Variants in CSMD1 observed in about 807,000 individuals in gnomAD.
CSMD1 encodes the protein CUB and Sushi multiple domains 1.
A neutral mutation model predicts 417.5 loss-of-function variants in CSMD1; 213 were observed. The observed-to-expected ratio is 0.51, with a 90% CI of 0.46 to 0.57. The LOEUF (loss-of-function observed/expected upper bound fraction) is 0.57, where lower values mean the gene tolerates loss of function less well. Among genes scored for constraint, CSMD1 ranks in the 20% least tolerant of loss-of-function variants. The pLI is 0.00. For synonymous variants in CSMD1, 2,862 were observed against 1,736.8 expected (o/e 1.65, Z -16.11); for missense variants, 6,923 against 4,529.7 (o/e 1.53, Z -15.17).
At chr8:4,051,506 A>C (rs1798422602) in intron 3 of CSMD1, among the ~76,000 whole-genome samples, 1 of 152,144 alleles carries the variant, frequency 6.6e-6, no homozygotes, top group South Asian at 2.1e-4. Context: ...CTGTATTTCC[A>C]TGACCTAGCA....
At chr8:4,192,865 G>A (rs1799111468) in intron 3 of CSMD1, among the ~76,000 whole-genome samples, 2 of 152,082 alleles carry the variant, frequency 1.3e-5, no homozygotes, top group Admixed American at 1.3e-4. Context: ...CCTGTATTCT[G>A]TCCTTCTAGG....
At chr8:4,925,138 C>A (rs1256146131) in intron 1 of CSMD1, among the ~76,000 whole-genome samples, 2 of 151,010 alleles carry the variant, frequency 1.3e-5, no homozygotes, top group Non-Finnish European at 2.9e-5. Context: ...TGTTTAGTCC[C>A]TGAGCAGCAG....
chr8:4,138,132 G>A (rs369582662), intron 3 of CSMD1, among the ~76,000 whole-genome samples: 1 of 127,422 alleles, frequency 7.8e-6, no homozygotes, highest in African/African-American at 3.0e-5. Flanking sequence ...ACCCAGGATG[G>A]TCTCAATCTC....
At chr8:3,634,310 C>T (rs1245913163) in intron 7 of CSMD1, among the ~76,000 whole-genome samples, 2 of 152,170 alleles carry the variant, frequency 1.3e-5, no homozygotes, top group South Asian at 2.1e-4. Flanking sequence ...AGACTAAGGT[C>T]AGCAATGTGG....
At chr8:4,457,653 G>A (rs565709102) in intron 2 of CSMD1, among the ~76,000 whole-genome samples, 1 of 152,246 alleles carries the variant, frequency 6.6e-6, no homozygotes, top group East Asian at 1.9e-4. Context: ...CAAATAGCAT[G>A]ATGTTAAGCT....
At chr8:4,173,112 G>C (rs576269678) in intron 3 of CSMD1, among the ~76,000 whole-genome samples, 1 of 152,104 alleles carries the variant, frequency 6.6e-6, no homozygotes, top group Non-Finnish European at 1.5e-5. Context: ...ACCACACGGA[G>C]GAAGTAACTA....
At chr8:4,547,133 A>C (rs1797673804) in intron 2 of CSMD1, among the ~76,000 whole-genome samples, 1 of 152,090 alleles carries the variant, frequency 6.6e-6, no homozygotes, top group Admixed American at 6.6e-5. Flanking sequence ...CCTGTTTCTA[A>C]ATTATTTCAT....
intron 2 of CSMD1, among the ~76,000 whole-genome samples, chr8:4,452,755 T>G (rs925465966): frequency 2.0e-5 from 3 of 152,048 alleles, no homozygotes; most frequent in Non-Finnish European, 4.4e-5. Context: ...TCTTTCAACA[T>G]ATCATCCAAT....
At chr8:4,131,390 A>C (rs1165841915) in intron 3 of CSMD1, among the ~76,000 whole-genome samples, 1 of 152,202 alleles carries the variant, frequency 6.6e-6, no homozygotes, top group East Asian at 1.9e-4. Flanking sequence ...CACATCCCTT[A>C]AGCCTTCCTT....
chr8:4,060,067 C>T (rs1416673199), intron 3 of CSMD1, among the ~76,000 whole-genome samples: 3 of 152,128 alleles, frequency 2.0e-5, no homozygotes, highest in Non-Finnish European at 2.9e-5. Flanking sequence ...AAACCGAATC[C>T]AGCAGCACAC....
intron 3 of CSMD1, among the ~76,000 whole-genome samples, chr8:4,086,128 T>C (rs903108983): frequency 1.3e-5 from 2 of 152,230 alleles, no homozygotes; most frequent in South Asian, 4.1e-4. Flanking sequence ...GTAGATGTTA[T>C]TGCTACATTT....
intron 21 of CSMD1, among the ~76,000 whole-genome samples, 166 bp downstream of exon 21, chr8:3,358,986 C>A (rs1405911970): frequency 2.0e-5 from 3 of 152,092 alleles, no homozygotes; most frequent in African/African-American, 7.2e-5. Flanking sequence ...AAGCCCAGAG[C>A]AGTTAGGCAG....
intron 2 of CSMD1, among the ~76,000 whole-genome samples, chr8:4,509,012 G>C (rs1284045652): frequency 6.6e-6 from 1 of 151,948 alleles, no homozygotes; most frequent in African/African-American, 2.4e-5. Flanking sequence ...ACCAGGGTGA[G>C]AAAAGACAAC....
intron 54 of CSMD1, among the ~76,000 whole-genome samples, chr8:2,994,783 T>C (rs111879729): frequency 2.6e-5 from 4 of 152,278 alleles, no homozygotes; most frequent in African/African-American, 9.6e-5. Flanking sequence ...GTTAGAAACA[T>C]AGAAGCCCTT....
chr8:4,496,293 T>C (rs1463020825), intron 2 of CSMD1, among the ~76,000 whole-genome samples: 1 of 152,172 alleles, frequency 6.6e-6, no homozygotes, highest in Non-Finnish European at 1.5e-5. Context: ...TGGATTGAAG[T>C]GTGAACAATG....
At chr8:4,841,274 T>G (rs1480807743) in intron 1 of CSMD1, among the ~76,000 whole-genome samples, 2 of 152,250 alleles carry the variant, frequency 1.3e-5, no homozygotes, top group Admixed American at 1.3e-4. Flanking sequence ...AGCCTTTGGT[T>G]ATTGATTAGC....
intron 8 of CSMD1, among the ~76,000 whole-genome samples, chr8:3,616,498 G>C (rs1263975105): frequency 2.6e-5 from 4 of 152,130 alleles, no homozygotes; most frequent in African/African-American, 4.8e-5. Flanking sequence ...TTTATTAGCA[G>C]TGTGAGAAGG....
At chr8:3,757,865 A>AAACAAACG (rs1454556785) in intron 5 of CSMD1, among the ~76,000 whole-genome samples, 1 of 147,044 alleles carries the variant, frequency 6.8e-6, no homozygotes, top group Non-Finnish European at 1.5e-5. Context: ...ACAAACAAAC[A>AAACAAACG]AACAAAAAAA....
At chr8:3,971,427 C>T (rs1813082978) in intron 5 of CSMD1, among the ~76,000 whole-genome samples, 1 of 151,886 alleles carries the variant, frequency 6.6e-6, no homozygotes, top group African/African-American at 2.4e-5. Context: ...TATTTTTTGG[C>T]CCTCTCTATA....
Sources: allele counts gnomAD v4.1 joint callset (sites outside exome capture counted in the v4.1 genomes callset), GRCh38; gene constraint gnomAD v4.1.1; transcripts MANE v1.5; gene names NCBI Gene and HGNC (gene_info 2026-07-23, HGNC 2026-07-21).